DCC: variants seen among roughly 807,000 people sequenced by gnomAD.
DCC encodes the protein DCC netrin 1 receptor.
DCC carries 58 observed loss-of-function variants against 172.5 expected under a neutral mutation model. The observed-to-expected ratio is 0.34, with a 90% CI of 0.27 to 0.42. The LOEUF is 0.42. Among genes scored for constraint, DCC ranks in the 10% least tolerant of loss-of-function variants. The pLI, the probability that DCC is intolerant of heterozygous loss-of-function variation, is 1.00. For missense variants in DCC, 1,740 were observed against 1,791.0 expected, an observed-to-expected ratio of 0.97 and a Z score of 0.51; for synonymous variants, 709 against 644.5, an observed-to-expected ratio of 1.10 and a Z score of -1.52.
At chr18:53,329,211 A>G (rs1274372754) in intron 14 of DCC, among the ~76,000 whole-genome samples, 6 of 152,320 alleles carry the variant, frequency 3.9e-5, no homozygotes, top group Non-Finnish European at 8.8e-5. Context: ...GTAAAATACT[A>G]AACACATTTG....
chr18:52,683,505 T>G (rs948347767), intron 1 of DCC, among the ~76,000 whole-genome samples: 3 of 152,134 alleles, frequency 2.0e-5, no homozygotes, highest in African/African-American at 7.2e-5. Flanking sequence ...TAATATTAAT[T>G]GACATATTGA....
intron 21 of DCC, among the ~76,000 whole-genome samples, chr18:53,430,173 T>C (rs1457428727): frequency 1.3e-5 from 2 of 152,128 alleles, no homozygotes; most frequent in Non-Finnish European, 2.9e-5. Flanking sequence ...TTAGAATTAT[T>C]TTCAGAGAAC....
intron 26 of DCC, among the ~76,000 whole-genome samples, chr18:53,494,980 C>G (rs752538599): frequency 2.6e-5 from 4 of 152,110 alleles, no homozygotes; most frequent in Non-Finnish European, 4.4e-5. Flanking sequence ...TTCAGGAGCT[C>G]TTGTAAGGCA....
intron 15 of DCC, among the ~76,000 whole-genome samples, chr18:53,348,323 T>C (rs557984008): frequency 6.6e-6 from 1 of 152,258 alleles, no homozygotes; most frequent in South Asian, 2.1e-4. Flanking sequence ...CAAAATGATC[T>C]CCTTTGACTC....
Position 53,364,953 on chromosome 18 carries a change from T to C in DCC, c.2360-21090T>C, listed in dbSNP as rs554227875. On this transcript the variant is annotated intron_variant, in intron 15 of 28. Transcript: ENST00000442544. ...TTCCACATTGATGGAAATTTTTTCC[T>C]ATGTTAAATATTCAGCAAACTATCT... Among the ~76,000 whole-genome samples, 3 of 152,274 alleles carry C rather than the reference T, an allele frequency of 2.0e-5. No homozygotes were observed. In the East Asian group the frequency reaches 5.8e-4, roughly 29 times the overall value.
At chr18:53,238,150 A>C (rs140846378) in intron 12 of DCC, among the ~76,000 whole-genome samples, 17 of 152,216 alleles carry the variant, frequency 1.1e-4, no homozygotes, top group African/African-American at 3.9e-4. Context: ...CCTTCATGAC[A>C]GCTGTTTTTA....
At chr18:52,916,849 T>C (rs2040048736) in intron 3 of DCC, among the ~76,000 whole-genome samples, 1 of 152,120 alleles carries the variant, frequency 6.6e-6, no homozygotes. Flanking sequence ...ACAATGTCAA[T>C]GCAGAAAGTA....
intron 5 of DCC, among the ~76,000 whole-genome samples, chr18:53,014,313 G>C (rs1678636787): frequency 6.6e-6 from 1 of 151,982 alleles, no homozygotes; most frequent in Non-Finnish European, 1.5e-5. Context: ...TTAAGTTTTA[G>C]GGTACATGTG....
At chr18:53,070,933 T>C (rs890298996) in intron 7 of DCC, among the ~76,000 whole-genome samples, 11 of 152,142 alleles carry the variant, frequency 7.2e-5, no homozygotes, top group Non-Finnish European at 1.5e-4. Context: ...AGCTATAAAT[T>C]AAGCAATGAG....
intron 5 of DCC, among the ~76,000 whole-genome samples, chr18:53,014,744 G>A (rs1410082151): frequency 6.6e-6 from 1 of 152,032 alleles, no homozygotes; most frequent in Non-Finnish European, 1.5e-5. Flanking sequence ...TTGGTTTTAA[G>A]TTTGGAATCC....
At chr18:53,286,275 G>C (rs574369266) in intron 12 of DCC, among the ~76,000 whole-genome samples, 2 of 152,070 alleles carry the variant, frequency 1.3e-5, no homozygotes, top group Non-Finnish European at 2.9e-5. Flanking sequence ...CACATGTTAT[G>C]GGAGGAACCT....
At chr18:52,866,253 T>C (rs1598880756) in intron 2 of DCC, among the ~76,000 whole-genome samples, 1 of 152,342 alleles carries the variant, frequency 6.6e-6, no homozygotes, top group Non-Finnish European at 1.5e-5. Flanking sequence ...TTGATCTATA[T>C]ATCTGTTTGG....
rs1206388118 is a variant in DCC at position 53,416,053 on chromosome 18, T to TG, written c.3131-69dup. The TG allele has an allele frequency of 6.2e-6, 7 of 1,127,726 alleles. No homozygotes were observed. In the African/African-American group the frequency reaches 1.1e-4, roughly 17 times the overall value. 69.9% of individuals were successfully genotyped at this position (1,127,726 alleles called of 1,614,324 possible). On this transcript the variant is annotated intron_variant, in intron 20 of 28. Transcript: ENST00000442544. The stretch of plus-strand genomic sequence containing the variant: ...ATAAAAACTTACTAAAAAGAACTGT[T>TG]GGTTTGATATGTCAGCTTTCTTGCT...
chr18:52,420,592 G>A (rs928424267), intron 1 of DCC, among the ~76,000 whole-genome samples: 4 of 152,194 alleles, frequency 2.6e-5, no homozygotes, highest in African/African-American at 9.6e-5. Flanking sequence ...ATGAACACGT[G>A]AAATCAATGA....
intron 12 of DCC, among the ~76,000 whole-genome samples, chr18:53,242,111 G>T (rs2056303872): frequency 6.6e-6 from 1 of 152,084 alleles, no homozygotes; most frequent in Admixed American, 6.6e-5. Flanking sequence ...GGGAAGAAAT[G>T]GTGGGCTTGT....
intron 2 of DCC, among the ~76,000 whole-genome samples, chr18:52,868,543 G>A (rs960525140): frequency 6.6e-6 from 1 of 152,198 alleles, no homozygotes; most frequent in Non-Finnish European, 1.5e-5. Flanking sequence ...AGCACAGGGT[G>A]GCTGTCTTTG....
At chr18:52,492,124 A>G (rs1393587027) in intron 1 of DCC, among the ~76,000 whole-genome samples, 2 of 152,008 alleles carry the variant, frequency 1.3e-5, no homozygotes, top group African/African-American at 2.4e-5. Flanking sequence ...GGTGAAATAT[A>G]TAAATATTTC....
At chr18:52,892,269 C>T (rs999172777) in intron 2 of DCC, 2 of 152,108 alleles carry the variant, frequency 1.3e-5, no homozygotes, top group African/African-American at 4.8e-5. Flanking sequence ...AGTACCCTGA[C>T]ACTTGAGGTT....
intron 2 of DCC, among the ~76,000 whole-genome samples, chr18:52,815,503 A>G (rs2038279758): frequency 1.3e-5 from 2 of 151,854 alleles, no homozygotes; most frequent in Non-Finnish European, 2.9e-5. Context: ...ACACTGTGAG[A>G]AGGCAGCCAC....
Sources: allele counts gnomAD v4.1 joint callset (sites outside exome capture counted in the v4.1 genomes callset), GRCh38; gene constraint gnomAD v4.1.1; transcripts MANE v1.5; gene names NCBI Gene and HGNC (gene_info 2026-07-23, HGNC 2026-07-21).